PLOD2: variants seen among roughly 807,000 people sequenced by gnomAD.
PLOD2 encodes the protein lysine hydroxylase 2.
A neutral mutation model predicts 101.0 loss-of-function variants in PLOD2; 65 were observed. The ratio of observed to expected loss-of-function variants is 0.64; its 90% CI spans 0.53 to 0.79. The LOEUF is 0.79. Ranked by LOEUF, PLOD2 falls within the 30% of genes least tolerant of loss-of-function variation. The pLI, the probability that PLOD2 is intolerant of heterozygous loss-of-function variation, is 0.00. For missense variants in PLOD2, 909 were observed against 914.6 expected (o/e 0.99, Z 0.08); for synonymous variants, 314 against 302.9 (o/e 1.04, Z -0.38).
intron 4 of PLOD2, among the ~76,000 whole-genome samples, chr3:146,109,896 A>T (rs1340511778): frequency 6.6e-6 from 1 of 152,194 alleles, no homozygotes; most frequent in East Asian, 1.9e-4. Context: ...CTTAAAAGCT[A>T]CTTGATTGCG....
At chr3:146,155,281 G>T (rs6793380) in intron 1 of PLOD2, among the ~76,000 whole-genome samples, 2 of 151,874 alleles carry the variant, frequency 1.3e-5, no homozygotes, top group South Asian at 4.2e-4. Context: ...CTATGATAGC[G>T]TCACTGCATT....
intron 2 of PLOD2, among the ~76,000 whole-genome samples, chr3:146,122,821 C>T (rs2030263735): frequency 6.6e-6 from 1 of 152,144 alleles, no homozygotes; most frequent in African/African-American, 2.4e-5. Context: ...GACTTAACAG[C>T]ATATCATATA....
At chr3:146,115,815 T>C (rs557554423) in intron 3 of PLOD2, among the ~76,000 whole-genome samples, 131 of 152,320 alleles carry the variant, frequency 8.6e-4, no homozygotes, top group African/African-American at 3.0e-3. Flanking sequence ...GATGACCATA[T>C]TGTCTGTCAC....
At chr3:146,149,799 T>TA in intron 1 of PLOD2, among the ~76,000 whole-genome samples, 1 of 152,264 alleles carries the variant, frequency 6.6e-6, no homozygotes, top group African/African-American at 2.4e-5. Context: ...ATCTTACACG[T>TA]AAAAAACAAC....
intron 13 of PLOD2, among the ~76,000 whole-genome samples, 186 bp from the exon 14 acceptor site, chr3:146,078,110 C>CTTCTT (rs1258768004): frequency 2.0e-5 from 3 of 151,774 alleles, no homozygotes; most frequent in African/African-American, 7.2e-5. Flanking sequence ...TCTTTCAGCC[C>CTTCTT]TTCTTTTCTT....
At chr3:146,094,969 G>A (rs1014614784) in intron 7 of PLOD2, among the ~76,000 whole-genome samples, 1 of 152,154 alleles carries the variant, frequency 6.6e-6, no homozygotes, top group Non-Finnish European at 1.5e-5. Flanking sequence ...AAGCAATGGG[G>A]AAAGGATTCC....
chr3:146,071,750 TGACCCTTTAG>T (rs1936146047), intron 17 of PLOD2, among the ~76,000 whole-genome samples: 1 of 151,760 alleles, frequency 6.6e-6, no homozygotes, highest in Non-Finnish European at 1.5e-5. Context: ...TTTTTTACAG[TGACCCTTTAG>T]GCAGTCTCAG....
chr3:146,075,542 C>A (rs2107999243), intron 15 of PLOD2, among the ~76,000 whole-genome samples: 1 of 146,062 alleles, frequency 6.8e-6, no homozygotes, highest in South Asian at 2.2e-4. Context: ...GAAATTGTTT[C>A]TTCAAGTTAA....
At position 146,121,220 on chromosome 3, in the gene PLOD2, C is replaced by T. The variant is rs550639807; in HGVS notation, c.230G>A (p.Gly77Asp). The T allele has an allele frequency of 2.7e-5, 43 of 1,611,454 alleles. No homozygotes were observed. The East Asian group carries it at 8.3e-4, about 31-fold the overall frequency. ...TCCAATACTATTAATTCCATCACCA[C>T]CTCTCCATTCTTCTCCTTGACCAAG... ...KVLGQGEEWR[G>D]GDGINSIGGG... Residue 77 changes from glycine (G) to aspartate (D), a missense_variant, in exon 3 of 20, where the codon GGT becomes GAT. Transcript: ENST00000282903.
At chr3:146,099,815 G>A (rs143590205) in intron 7 of PLOD2, among the ~76,000 whole-genome samples, 178 of 151,672 alleles carry the variant, frequency 1.2e-3, no homozygotes, top group African/African-American at 4.1e-3. Context: ...CTAAAACAGT[G>A]ACTACACACA....
chr3:146,129,604 A>G (rs1188917682), intron 1 of PLOD2, among the ~76,000 whole-genome samples: 1 of 152,120 alleles, frequency 6.6e-6, no homozygotes. Context: ...AGTCGACACA[A>G]ACTCCTACAT....
At chr3:146,083,008 G>A (rs1289104263) in intron 11 of PLOD2, among the ~76,000 whole-genome samples, 1 of 152,020 alleles carries the variant, frequency 6.6e-6, no homozygotes, top group African/African-American at 2.4e-5. Context: ...GTTTTGTTTT[G>A]AATACCTACA....
At chr3:146,108,182 T>C (rs541319460) in intron 4 of PLOD2, among the ~76,000 whole-genome samples, 1 of 152,152 alleles carries the variant, frequency 6.6e-6, no homozygotes, top group African/African-American at 2.4e-5. Flanking sequence ...AAAAACTCTT[T>C]TTGTTGTTGT....
At chr3:146,104,543 A>G (rs1576597222) in intron 5 of PLOD2, among the ~76,000 whole-genome samples, 1 of 152,246 alleles carries the variant, frequency 6.6e-6, no homozygotes, top group Non-Finnish European at 1.5e-5. Context: ...TGCAAAATAC[A>G]CTTAAAGAAA....
chr3:146,076,976 T>A, intron 14 of PLOD2, 81 bp from the exon 15 acceptor site: 3 of 1,180,296 alleles, frequency 2.5e-6, no homozygotes, highest in African/African-American at 1.9e-5. Flanking sequence ...ATATAGAAGA[T>A]ATTAATTTCT....
intron 7 of PLOD2, among the ~76,000 whole-genome samples, chr3:146,095,361 GAA>G (rs139788808): frequency 0.01 from 1,486 of 145,072 alleles, 26 homozygotes; most frequent in African/African-American, 0.033. Context: ...AAATTTACAA[GAA>G]AAAAAAAAAA....
In PLOD2 at chr3:146,097,802, A is replaced by AT. The variant is rs1559847200; in HGVS notation, c.777+4952_777+4953insA. ...ACACCCAAGAATGATCAATAAAAAA[A>AT]AAATAATAATAATAATAATAATAAA... On this transcript the variant is annotated intron_variant, in intron 7 of 19. Transcript: ENST00000282903. Among the ~76,000 whole-genome samples the AT allele has an allele frequency of 2.7e-3, 268 of 99,606 alleles. 2 individuals are homozygous for AT. The highest frequency in any genetic ancestry group is 0.01 in the African/African-American group (253 of 24,860). The allele number at this position is 99,606 out of a possible 152,430, so 65.3% of individuals were successfully genotyped here. A position where few individuals can be genotyped will look rare whatever the true frequency, so the allele number is the denominator to read the frequency against.
At chr3:146,124,663 C>CA (rs59678035) in intron 1 of PLOD2, among the ~76,000 whole-genome samples, 21 of 151,692 alleles carry the variant, frequency 1.4e-4, no homozygotes, top group Non-Finnish European at 2.7e-4. Flanking sequence ...ATGACATACA[C>CA]AAAAAAAACA....
intron 4 of PLOD2, 140 bp from the exon 5 acceptor site, chr3:146,106,784 G>A: frequency 5.8e-6 from 4 of 686,038 alleles, no homozygotes. Context: ...AGCTCACCAT[G>A]AAAGAAATAT....
Sources: gnomAD v4.1 joint callset for allele counts (sites outside exome capture counted in the v4.1 genomes callset) on GRCh38, gnomAD v4.1.1 for gene constraint, MANE v1.5 for transcripts, NCBI Gene and HGNC (gene_info 2026-07-23, HGNC 2026-07-21) for gene names.